PTPN3: variants seen among roughly 807,000 people sequenced by gnomAD.
The protein encoded by PTPN3 is tyrosine-protein phosphatase non-receptor type 3.
PTPN3 carries 96 observed loss-of-function variants against 132.7 expected under a neutral mutation model. The ratio of observed to expected loss-of-function variants is 0.72; its 90% confidence interval spans 0.61 to 0.86. The LOEUF (loss-of-function observed/expected upper bound fraction) is 0.86. Ranked by LOEUF, PTPN3 falls within the 40% of genes least tolerant of loss-of-function variation. The pLI, the probability that PTPN3 is intolerant of heterozygous loss-of-function variation, is 0.00. For synonymous variants in PTPN3, 398 were observed against 429.0 expected (o/e 0.93, Z 0.89); for missense variants, 1,125 against 1,159.6 (o/e 0.97, Z 0.43).
chr9:109,523,114 ATC>A, the PTPN3 span, among the ~76,000 whole-genome samples: 1 of 148,754 alleles, frequency 6.7e-6, no homozygotes, highest in Non-Finnish European at 1.5e-5. Context: ...ATAAATTTAT[ATC>A]TTTTTTTTTT....
At chr9:109,451,485 T>A (rs558382923) in intron 5 of PTPN3, 24 of 859,826 alleles carry the variant, frequency 2.8e-5, no homozygotes, top group Non-Finnish European at 3.4e-5. Context: ...AAAATCTGCC[T>A]CCCTGTAGCC....
At chr9:109,449,149 A>T (rs2131994171) in intron 5 of PTPN3, 1 of 1,211,400 alleles carries the variant, frequency 8.3e-7, no homozygotes, top group African/African-American at 1.6e-5. Context: ...CCCACCAAAG[A>T]TGGGCTGGTA....
At chr9:109,513,816 G>A in the PTPN3 span, among the ~76,000 whole-genome samples, 1 of 152,132 alleles carries the variant, frequency 6.6e-6, no homozygotes, top group South Asian at 2.1e-4. Flanking sequence ...TAGCTAGTGG[G>A]GGTGTCTAGC....
the PTPN3 span, among the ~76,000 whole-genome samples, chr9:109,512,507 T>C: frequency 1.3e-5 from 2 of 152,232 alleles, no homozygotes; most frequent in Admixed American, 6.5e-5. Flanking sequence ...AAATGTTTGT[T>C]AGGGACTCCT....
At chr9:109,462,882 T>TTAA (rs1447385167) in intron 2 of PTPN3, among the ~76,000 whole-genome samples, 1 of 151,836 alleles carries the variant, frequency 6.6e-6, no homozygotes, top group Non-Finnish European at 1.5e-5. Flanking sequence ...GGAGCTCAGT[T>TTAA]TCATGGGCAA....
chr9:109,496,971 C>T (rs544271193), intron 1 of PTPN3, among the ~76,000 whole-genome samples: 225 of 152,320 alleles, frequency 1.5e-3, no homozygotes, highest in Non-Finnish European at 2.7e-3. Flanking sequence ...GCTTTACTTT[C>T]TCCCATCATC....
intron 16 of PTPN3, among the ~76,000 whole-genome samples, chr9:109,409,717 G>A (rs1841920225): frequency 6.6e-6 from 1 of 152,090 alleles, no homozygotes; most frequent in African/African-American, 2.4e-5. Flanking sequence ...CAGCTGAGGT[G>A]GGAGGATCAC....
At chr9:109,527,471 T>G in the PTPN3 span, among the ~76,000 whole-genome samples, 9,195 of 152,172 alleles carry the variant, frequency 0.06, 348 homozygotes, top group South Asian at 0.16. Context: ...AATAAATAAG[T>G]AAATAAATAA....
At chr9:109,425,724 G>A (rs1843214980) in intron 12 of PTPN3, among the ~76,000 whole-genome samples, 1 of 139,966 alleles carries the variant, frequency 7.1e-6, no homozygotes, top group Non-Finnish European at 1.5e-5. Flanking sequence ...ACAAAAAAGA[G>A]AGAATAGGCT....
At chr9:109,445,877 C>G (rs1844821005) in intron 6 of PTPN3, among the ~76,000 whole-genome samples, 1 of 152,226 alleles carries the variant, frequency 6.6e-6, no homozygotes, top group African/African-American at 2.4e-5. Context: ...TGAAGATCTA[C>G]AGAGTTCAGT....
At chr9:109,535,204 A>G in the PTPN3 span, among the ~76,000 whole-genome samples, 1 of 152,244 alleles carries the variant, frequency 6.6e-6, no homozygotes, top group South Asian at 2.1e-4. Flanking sequence ...GATCATTACA[A>G]CGACTTAACT....
At chr9:109,401,775 A>G (rs924373824) in intron 19 of PTPN3, among the ~76,000 whole-genome samples, 1 of 152,108 alleles carries the variant, frequency 6.6e-6, no homozygotes, top group East Asian at 1.9e-4. Context: ...GTGATACCCC[A>G]TGAGCTTTGT....
At chr9:109,439,120 T>G (rs1358573104) in intron 7 of PTPN3, among the ~76,000 whole-genome samples, 1 of 152,170 alleles carries the variant, frequency 6.6e-6, no homozygotes, top group Non-Finnish European at 1.5e-5. Flanking sequence ...CCTGTACAAG[T>G]GTCCATGGCT....
At chr9:109,391,009 T>G in intron 21 of PTPN3, 129 bp downstream of exon 21, 1 of 778,228 alleles carries the variant, frequency 1.3e-6, no homozygotes, top group African/African-American at 1.8e-5. Context: ...CTCCCATGGC[T>G]GTTGTGGTGC....
At chr9:109,508,187 GT>G in the PTPN3 span, among the ~76,000 whole-genome samples, 1 of 127,842 alleles carries the variant, frequency 7.8e-6, no homozygotes, top group Non-Finnish European at 1.6e-5. Context: ...TTGAGATGGC[GT>G]TTCGCTCTGT....
At chr9:109,391,666 T>C in intron 19 of PTPN3, 105 bp from the exon 20 acceptor site, 2 of 900,272 alleles carry the variant, frequency 2.2e-6, no homozygotes, top group Non-Finnish European at 3.3e-6. Flanking sequence ...CATTTTAAAG[T>C]GATTATGTGT....
chr9:109,483,692 G>A lies in PTPN3; in HGVS notation c.-18+14527C>T, dbSNP rs149651636. On this transcript the variant is annotated intron_variant, in intron 1 of 25. Coordinates refer to ENST00000374541, the MANE Select transcript of PTPN3 (RefSeq NM_002829.4). ...CCCAAAGCTCTCACCGGGCTCTTAC[G>A]ATCAGTCTCCATCATCACCCACAAT... 2.7e-3 allele frequency among the ~76,000 whole-genome samples: 409 copies of A among 152,202 alleles called. 4 individuals are homozygous for A. The highest frequency in any genetic ancestry group is 9.3e-3 in the African/African-American group (386 of 41,508).
chr9:109,429,110 T>A, intron 10 of PTPN3: 1 of 944,822 alleles, frequency 1.1e-6, no homozygotes, highest in Non-Finnish European at 1.3e-6. Context: ...TACTTAACAT[T>A]TGCAAGATAA....
chr9:109,458,158 T>A (rs945555360), intron 2 of PTPN3, among the ~76,000 whole-genome samples: 6 of 152,116 alleles, frequency 3.9e-5, no homozygotes, highest in African/African-American at 1.2e-4. Context: ...CGTCGAGGGC[T>A]GTGAAACAGT....
Sources: allele counts gnomAD v4.1 joint callset (sites outside exome capture counted in the v4.1 genomes callset), GRCh38; gene constraint gnomAD v4.1.1; transcripts MANE v1.5; gene names NCBI Gene and HGNC (gene_info 2026-07-23, HGNC 2026-07-21).